IQGAP2: variants seen among roughly 807,000 people sequenced by gnomAD.
IQGAP2 encodes the protein ras GTPase-activating-like protein IQGAP2.
A neutral mutation model predicts 201.3 loss-of-function variants in IQGAP2; 173 were observed. The ratio of observed to expected loss-of-function variants is 0.86; its 90% CI spans 0.76 to 0.98. The LOEUF (loss-of-function observed/expected upper bound fraction) is 0.98, where lower values mean the gene tolerates loss of function less well. Among genes scored for constraint, IQGAP2 ranks in the 50% least tolerant of loss-of-function variants. The probability of loss-of-function intolerance (pLI) is 0.00; values close to 1 mark genes in which losing one functional copy is unlikely to be tolerated. For synonymous variants in IQGAP2, 675 were observed against 673.9 expected (o/e 1.00, Z -0.03); for missense variants, 1,687 against 1,864.8 (o/e 0.90, Z 1.76).
intron 5 of IQGAP2, among the ~76,000 whole-genome samples, chr5:76,584,461 G>A (rs1199510764): frequency 1.3e-5 from 2 of 152,154 alleles, no homozygotes; most frequent in African/African-American, 4.8e-5. Flanking sequence ...CCCACAAAAC[G>A]CTGGGGGTTG....
intron 17 of IQGAP2, among the ~76,000 whole-genome samples, chr5:76,644,203 AC>A (rs1317670572): frequency 6.6e-6 from 1 of 151,882 alleles, no homozygotes; most frequent in East Asian, 1.9e-4. Flanking sequence ...TATTTATGGT[AC>A]TAGAAAACAA....
Position 76,538,786 on chromosome 5 carries a change from C to T in IQGAP2, c.147-23610C>T, listed in dbSNP as rs182935425. Among the ~76,000 whole-genome samples, 76 of 152,308 alleles carry T rather than the reference C, an allele frequency of 5.0e-4. 1 individual carries two copies. The highest frequency in any genetic ancestry group is 1.2e-3 in the South Asian group (6 of 4,830). ...TGTTACATCCAGTTCATCTTCTGTG[C>T]CTCTCCTACTCTCTCTTCTGAGCTC... On this transcript the variant is annotated intron_variant, in intron 2 of 35. Transcript: ENST00000274364.
intron 17 of IQGAP2, among the ~76,000 whole-genome samples, chr5:76,651,948 T>A (rs190623363): frequency 2.9e-3 from 436 of 151,932 alleles, no homozygotes; most frequent in African/African-American, 9.9e-3. Context: ...TATAAAAAAA[T>A]TTGATTTTTT....
At chr5:76,640,478 C>T (rs1751482044) in intron 16 of IQGAP2, among the ~76,000 whole-genome samples, 1 of 152,156 alleles carries the variant, frequency 6.6e-6, no homozygotes, top group Non-Finnish European at 1.5e-5. Context: ...TTGGCCACAG[C>T]TCGTTACAGG....
Position 76,617,691 on chromosome 5 carries a change from A to G in IQGAP2, c.1521+6508A>G, listed in dbSNP as rs777973383. 15 of 1,614,008 alleles carry G rather than the reference A, an allele frequency of 9.3e-6. No homozygotes were observed. The South Asian group carries it at 1.4e-4, about 15-fold the overall frequency. ...ACCCAGGCACAAAGCTATGAGATAT[A>G]TAAAATATAAGCCATCAGTGTTGTT... is the stretch of plus-strand genomic sequence containing the variant. On this transcript the variant is annotated intron_variant, in intron 13 of 35. Transcript: ENST00000274364.
At chr5:76,664,981 G>C in intron 21 of IQGAP2, 45 bp from the exon 22 acceptor site, 1 of 1,052,528 alleles carries the variant, frequency 9.5e-7, no homozygotes, top group African/African-American at 1.9e-5. Flanking sequence ...AGGAGATAAA[G>C]AGTATGAGAA....
intron 1 of IQGAP2, among the ~76,000 whole-genome samples, chr5:76,406,107 C>T (rs1163178519): frequency 6.6e-6 from 1 of 152,184 alleles, no homozygotes; most frequent in Admixed American, 6.5e-5. Flanking sequence ...GTAGTTCTTA[C>T]ACAAAGTAAC....
chr5:76,499,733 G>A (rs1003763682), intron 2 of IQGAP2, among the ~76,000 whole-genome samples: 5 of 152,178 alleles, frequency 3.3e-5, no homozygotes, highest in African/African-American at 1.2e-4. Flanking sequence ...CCTGTAAAAT[G>A]AGAATAAGAA....
In IQGAP2 at chr5:76,522,768, A is replaced by C. The variant is rs73766935; in HGVS notation, c.147-39628A>C. On this transcript the variant is annotated intron_variant, in intron 2 of 35. Coordinates refer to ENST00000274364, the MANE Select transcript of IQGAP2 (RefSeq NM_006633.5). ...AGAAAGATCAATCATTAACCAAGGA[A>C]ATCTGTTCTGTGTGCCTTGGACACT... 3.2e-3 allele frequency among the ~76,000 whole-genome samples: 487 copies of C among 152,286 alleles called. 3 individuals carry two copies. Among genetic ancestry groups the C allele is most frequent in the African/African-American group, 0.011 (464 of 41,546 alleles).
At chr5:76,626,244 A>C (rs1353397753) in intron 13 of IQGAP2, among the ~76,000 whole-genome samples, 1 of 112,788 alleles carries the variant, frequency 8.9e-6, no homozygotes, top group African/African-American at 3.4e-5. Flanking sequence ...TTGTATTATA[A>C]TTCTTTTTCT....
intron 5 of IQGAP2, among the ~76,000 whole-genome samples, chr5:76,583,839 A>G (rs1746048663): frequency 6.6e-6 from 1 of 152,102 alleles, no homozygotes; most frequent in South Asian, 2.1e-4. Context: ...GTGGTAGCCT[A>G]AGTACCTTAA....
intron 1 of IQGAP2, among the ~76,000 whole-genome samples, chr5:76,421,630 G>C (rs4382145): frequency 0.73 from 110,637 of 152,014 alleles, 41,498 homozygotes; most frequent in East Asian, 0.99. Context: ...AAAAAAATAG[G>C]TGTGGCAAAA....
At chr5:76,527,808 A>T (rs1344926573) in intron 2 of IQGAP2, among the ~76,000 whole-genome samples, 1 of 152,206 alleles carries the variant, frequency 6.6e-6, no homozygotes, top group Non-Finnish European at 1.5e-5. Flanking sequence ...GGCTGTTTGC[A>T]GTTATTTACC....
rs1750616093 is a variant in IQGAP2, at chr5:76,403,420, G to A, written c.-126G>A. On this transcript the variant is annotated 5_prime_UTR_variant, in exon 1 of 36. Transcript: ENST00000274364. This position sits in a 1 kb window ranked among gnomAD's most constrained non-coding sequence, Gnocchi z 4.8. ...CGAGGGAGTGGGTCGCAGATCTTCG[G>A]GCGGCTAGGGGAAATCGGCGAGAGG... 1.5e-6 allele frequency: 1 copy of A among 645,616 alleles called. No homozygotes were observed. Among genetic ancestry groups the A allele is most frequent in the Non-Finnish European group, 2.3e-6 (1 of 441,038 alleles). The allele number at this position is 645,616 out of a possible 1,614,324, so 40.0% of individuals were successfully genotyped here. A position where few individuals can be genotyped will look rare whatever the true frequency, so the allele number is the denominator to read the frequency against.
intron 2 of IQGAP2, among the ~76,000 whole-genome samples, chr5:76,467,335 T>C (rs1754835728): frequency 2.0e-5 from 3 of 152,312 alleles, no homozygotes; most frequent in African/African-American, 7.2e-5. Context: ...GCAAAAGTTC[T>C]GAATAGACAT....
chr5:76,628,681 A>G (rs1416380708), intron 14 of IQGAP2: 9 of 456,054 alleles, frequency 2.0e-5, no homozygotes, highest in Non-Finnish European at 2.6e-5. Flanking sequence ...GTCTTACTCC[A>G]CAGATGGGCT....
intron 1 of IQGAP2, among the ~76,000 whole-genome samples, chr5:76,445,514 G>T (rs1246514063): frequency 2.6e-5 from 4 of 150,988 alleles, no homozygotes; most frequent in Non-Finnish European, 5.9e-5. Flanking sequence ...GCCCAGGCTG[G>T]AGTGCAATGG....
At chr5:76,596,732 G>C (rs1011611876) in intron 9 of IQGAP2, among the ~76,000 whole-genome samples, 1 of 152,154 alleles carries the variant, frequency 6.6e-6, no homozygotes, top group Non-Finnish European at 1.5e-5. Flanking sequence ...CGTATCTCGT[G>C]AGAACTCACT....
chr5:76,652,936 C>A, intron 18 of IQGAP2, 103 bp downstream of exon 18: 1 of 755,768 alleles, frequency 1.3e-6, no homozygotes, highest in Admixed American at 2.2e-5. Context: ...TACATGTGAG[C>A]CTTGAAGTCA....
Sources: allele counts gnomAD v4.1 joint callset (sites outside exome capture counted in the v4.1 genomes callset), GRCh38; gene constraint gnomAD v4.1.1; non-coding constraint Gnocchi (gnomAD v3.1); transcripts MANE v1.5; gene names NCBI Gene and HGNC (gene_info 2026-07-23, HGNC 2026-07-21).